The following MADD variants were observed in gnomAD, a reference collection of about 807,000 sequenced individuals.
The protein encoded by MADD is MAP kinase-activating death domain protein.
In MADD, 109 loss-of-function variants were observed where a neutral mutation model predicts 176.7. The ratio of observed to expected loss-of-function variants is 0.62; its 90% CI spans 0.53 to 0.72. The LOEUF (loss-of-function observed/expected upper bound fraction) is 0.72, where lower values mean the gene tolerates loss of function less well. MADD is among the 30% of genes least tolerant of loss of function. MADD has a pLI of 0.00. For synonymous variants in MADD, 771 were observed against 771.3 expected (o/e 1.00, Z 0.01); for missense variants, 1,914 against 2,045.5 (o/e 0.94, Z 1.24).
chr11:47,273,805 T>C (rs375287862), intron 1 of MADD, 22 bp from the exon 2 acceptor site: 8 of 878,462 alleles, frequency 9.1e-6, no homozygotes, highest in African/African-American at 8.2e-5. Context: ...GTGGATCTTA[T>C]CAGTACTTTT....
intron 19 of MADD, 43 bp from the exon 22 acceptor site, chr11:47,293,840 C>A (rs779406328): frequency 3.8e-6 from 5 of 1,333,058 alleles, no homozygotes; most frequent in Non-Finnish European, 4.3e-6. Flanking sequence ...CAGCCTGCCC[C>A]TAGCCTTTGT....
chr11:47,306,580 A>C (rs981273484), intron 22 of MADD, among the ~76,000 whole-genome samples: 2 of 151,710 alleles, frequency 1.3e-5, no homozygotes, highest in Non-Finnish European at 2.9e-5. Context: ...TGTCTTGCTT[A>C]CTTCCTTGCT....
rs189425948 is a variant in MADD at position 47,318,094 on chromosome 11, A to G, written c.4197+2767A>G. ...TACTTTTATATAATTAAATTAATCAATAGTTTCTTTTACGGCTTCTGGATT... is the reference window on the plus strand; with the variant it reads ...TACTTTTATATAATTAAATTAATCAGTAGTTTCTTTTACGGCTTCTGGATT... On this transcript the variant is annotated intron_variant, in intron 27 of 32. Coordinates refer to ENST00000402192, the Ensembl canonical transcript of MADD. Among the ~76,000 whole-genome samples the G allele has an allele frequency of 2.4e-3, 358 of 152,214 alleles. 2 individuals are homozygous for G. Among genetic ancestry groups the G allele is most frequent in the African/African-American group, 8.2e-3 (339 of 41,542 alleles).
chr11:47,284,198 A>T (rs181579722), exon 11 of MADD: 2 of 1,613,704 alleles, frequency 1.2e-6, no homozygotes, highest in Non-Finnish European at 1.7e-6. Flanking sequence ...AGTATGGATT[A>T]TGACGATTCA....
At chr11:47,299,576 A>G (rs2075909149) in intron 22 of MADD, among the ~76,000 whole-genome samples, 1 of 38,860 alleles carries the variant, frequency 2.6e-5, no homozygotes, top group Admixed American at 2.4e-4. Context: ...TCTAGTGGAG[A>G]TTTTAGGGCT....
chr11:47,322,935 A>G lies in MADD; in HGVS notation c.4198-736A>G, dbSNP rs143226078. ...CAAATACTTTAAGTCCGTAGAGCAC[A>G]TAAGAGGTAATAAATAACTGGGCCG... On this transcript the variant is annotated intron_variant, in intron 27 of 32. Transcript: ENST00000402192. Among the ~76,000 whole-genome samples, 984 of 152,144 alleles carry G rather than the reference A, an allele frequency of 6.5e-3. 5 individuals are homozygous for G. The highest frequency in any genetic ancestry group is 9.9e-3 in the Non-Finnish European group (673 of 67,992).
chr11:47,291,917 G>A (rs189681889), intron 19 of MADD, among the ~76,000 whole-genome samples: 26 of 152,284 alleles, frequency 1.7e-4, no homozygotes, highest in Non-Finnish European at 1.0e-4. Context: ...ACCATTTTAT[G>A]TTCTCTGTCA....
At chr11:47,309,190 C>T (rs2085826821) in intron 23 of MADD, 91 bp from the exon 27 acceptor site, 3 of 1,558,810 alleles carry the variant, frequency 1.9e-6, no homozygotes, top group African/African-American at 1.4e-5. Context: ...GTAATTATTC[C>T]CTTTTATCTG....
rs534710837 is a variant in MADD at position 47,278,147 on chromosome 11, T to C, written c.1096-18T>C. The C allele has an allele frequency of 5.1e-6, 8 of 1,557,020 alleles. No individual in the cohort carries two copies. In the African/African-American group the frequency reaches 8.1e-5, roughly 16 times the overall value. ...TAGGTTTTGTCTTTGTTTCTCACCT[T>C]CTTTATCATTTCCACAGCTGCTGTT... On this transcript the variant is annotated intron_variant, in intron 5 of 32. Transcript: ENST00000402192.
chr11:47,289,401 G>A, exon 16 of MADD: 1 of 1,613,954 alleles, frequency 6.2e-7, no homozygotes, highest in Non-Finnish European at 8.5e-7. Flanking sequence ...GAAACAGGAG[G>A]GCGTTAGTGG....
At position 47,271,527 on chromosome 11, in the gene MADD, G is replaced by C. The variant is rs549282348; in HGVS notation, c.-89+1281G>C. On this transcript the variant is annotated intron_variant, in intron 1 of 32. Coordinates refer to ENST00000402192, the Ensembl canonical transcript of MADD. ...AGATAGTTGTCAGTGGAGAGGGACT[G>C]AGATCCCACCAAGGCTAGAGAGGCC... is the stretch of plus-strand genomic sequence containing the variant. 3.9e-5 allele frequency among the ~76,000 whole-genome samples: 6 copies of C among 152,282 alleles called. No homozygotes were observed. In the South Asian group the frequency reaches 1.2e-3, roughly 32 times the overall value.
chr11:47,284,995 C>T (rs749473929), exon 13 of MADD: 1 of 1,614,084 alleles, frequency 6.2e-7, no homozygotes, highest in Non-Finnish European at 8.5e-7. Context: ...CGTCTCCAAG[C>T]CCCTCCCTTC....
chr11:47,278,114 G>A (rs759147664), intron 5 of MADD, 51 bp from the exon 6 acceptor site: 7 of 1,208,800 alleles, frequency 5.8e-6, no homozygotes, highest in Middle Eastern at 1.9e-4. Context: ...CTTGATAAGT[G>A]CTCATGATAG....
At chr11:47,287,468 GT>G (rs1417663915) in intron 15 of MADD, among the ~76,000 whole-genome samples, 4 of 152,156 alleles carry the variant, frequency 2.6e-5, no homozygotes, top group African/African-American at 4.8e-5. Context: ...GGAGTGCAAG[GT>G]GGTGATCTTG....
chr11:47,300,455 C>A (rs1333512531), intron 22 of MADD, among the ~76,000 whole-genome samples: 1 of 128,752 alleles, frequency 7.8e-6, no homozygotes, highest in African/African-American at 3.2e-5. Context: ...GATCTACCCC[C>A]CGCCCGCCCC....
At chr11:47,274,402 TA>T (rs1172995294) in intron 2 of MADD, among the ~76,000 whole-genome samples, 160 bp from the exon 3 acceptor site, 3 of 152,226 alleles carry the variant, frequency 2.0e-5, no homozygotes, top group Admixed American at 1.3e-4. Flanking sequence ...TCACTTAGGT[TA>T]CCAGCTCCAT....
At chr11:47,303,607 C>CTTTT (rs137937344) in intron 22 of MADD, among the ~76,000 whole-genome samples, 1 of 105,546 alleles carries the variant, frequency 9.5e-6, no homozygotes, top group Non-Finnish European at 1.9e-5. Flanking sequence ...TTGGAGAGGC[C>CTTTT]TTTTTTTTTT....
intron 9 of MADD, 35 bp downstream of exon 9, chr11:47,282,651 G>A (rs1280685117): frequency 6.2e-7 from 1 of 1,606,960 alleles, no homozygotes; most frequent in Non-Finnish European, 8.5e-7. Context: ...GCTCTGCCTT[G>A]TGCCTCTGTC....
intron 22 of MADD, 145 bp downstream of exon 24, chr11:47,296,200 A>C (rs745922425): frequency 8.3e-6 from 8 of 963,608 alleles, no homozygotes; most frequent in Non-Finnish European, 1.2e-5. Context: ...TTTAAGGAAA[A>C]CATTTCTTAA....
Sources: allele counts gnomAD v4.1 joint callset (sites outside exome capture counted in the v4.1 genomes callset), GRCh38; gene constraint gnomAD v4.1.1; transcripts MANE v1.5; gene names NCBI Gene and HGNC (gene_info 2026-07-23, HGNC 2026-07-21).